SYT14: variants seen among roughly 807,000 people sequenced by gnomAD.
SYT14 encodes the protein synaptotagmin-14.
SYT14 carries 32 observed loss-of-function variants against 74.2 expected under a neutral mutation model. That is an observed-to-expected ratio of 0.43 (90% CI 0.33 to 0.58). The LOEUF (loss-of-function observed/expected upper bound fraction) is 0.58. Among genes scored for constraint, SYT14 ranks in the 20% least tolerant of loss-of-function variants. The pLI, the probability that SYT14 is intolerant of heterozygous loss-of-function variation, is 0.05. For synonymous variants in SYT14, 298 were observed against 337.7 expected, an observed-to-expected ratio of 0.88 and a Z score of 1.29; for missense variants, 791 against 981.8, an observed-to-expected ratio of 0.81 and a Z score of 2.60.
chr1:210,018,939 C>T (rs964765628), intron 4 of SYT14, among the ~76,000 whole-genome samples: 4 of 151,892 alleles, frequency 2.6e-5, no homozygotes, highest in African/African-American at 9.7e-5. Context: ...AGATCGAGAC[C>T]ATCCTGGCCA....
chr1:210,148,305 A>G (rs974792951), intron 7 of SYT14, among the ~76,000 whole-genome samples: 18 of 152,054 alleles, frequency 1.2e-4, no homozygotes, highest in African/African-American at 3.9e-4. Context: ...TCAGGAGATC[A>G]AGACCATCCT....
intron 2 of SYT14, among the ~76,000 whole-genome samples, chr1:209,955,425 T>A (rs1277765540): frequency 1.3e-5 from 2 of 152,194 alleles, no homozygotes; most frequent in African/African-American, 2.4e-5. Flanking sequence ...ATTATTATTG[T>A]CCACATTTAA....
intron 2 of SYT14, among the ~76,000 whole-genome samples, chr1:209,990,937 G>A (rs572471747): frequency 3.1e-4 from 47 of 152,040 alleles, no homozygotes; most frequent in South Asian, 1.9e-3. Context: ...AAAAATAGTC[G>A]CAGATTAGTA....
chr1:210,144,960 G>A (rs1246639128), intron 7 of SYT14, among the ~76,000 whole-genome samples: 1 of 152,112 alleles, frequency 6.6e-6, no homozygotes, highest in East Asian at 1.9e-4. Context: ...CAGTGACTCA[G>A]ATATCTCAGA....
At position 209,977,156 on chromosome 1, in the gene SYT14, G is replaced by A. The variant is rs192756396; in HGVS notation, c.-486+24400G>A. Reference sequence around the variant, plus strand: ...GCACACTGATTGGTCTTGACTGTTTGTCCAATTTGCCAGTCTGTGTCTTTT... The same window carrying A: ...GCACACTGATTGGTCTTGACTGTTTATCCAATTTGCCAGTCTGTGTCTTTT... On this transcript the variant is annotated intron_variant, in intron 2 of 9. Coordinates refer to ENST00000637265, the Ensembl canonical transcript of SYT14. Among the ~76,000 whole-genome samples the A allele has an allele frequency of 1.4e-4, 21 of 152,058 alleles. 1 individual carries two copies. Among genetic ancestry groups the A allele is most frequent in the Admixed American group, 3.9e-4 (6 of 15,276 alleles).
chr1:209,967,504 G>A (rs979052983), intron 2 of SYT14, among the ~76,000 whole-genome samples: 1 of 151,924 alleles, frequency 6.6e-6, no homozygotes, highest in Non-Finnish European at 1.5e-5. Context: ...AAATATATAG[G>A]CCTCTTCAGG....
rs551467664 is a variant in SYT14 at position 210,029,454 on chromosome 1, G to A, written c.1312+8200G>A. ...GAGTTAATTTTTATATACGATATTC[G>A]GCAAGGGTTCATTTTCATTCTTTTA... On this transcript the variant is annotated intron_variant, in intron 5 of 9. Transcript: ENST00000637265. Among the ~76,000 whole-genome samples, 13 of 152,028 alleles carry A rather than the reference G, an allele frequency of 8.6e-5. No homozygotes were observed. In the East Asian group the frequency reaches 1.5e-3, roughly 18 times the overall value.
chr1:209,942,110 A>G (rs559886714), intron 1 of SYT14, among the ~76,000 whole-genome samples: 34 of 152,246 alleles, frequency 2.2e-4, no homozygotes, highest in African/African-American at 7.2e-4. Context: ...TGGGGGGCCA[A>G]TTGTATTTTG....
Position 210,112,761 on chromosome 1 carries a change from C to A in SYT14, c.2034+12300C>A, listed in dbSNP as rs193047438. Among the ~76,000 whole-genome samples the A allele has an allele frequency of 9.3e-4, 141 of 151,322 alleles. 2 individuals are homozygous for A. The highest frequency in any genetic ancestry group is 1.8e-3 in the Non-Finnish European group (122 of 68,008). On this transcript the variant is annotated intron_variant, in intron 7 of 9. Coordinates refer to ENST00000637265, the Ensembl canonical transcript of SYT14. ...TTAAAGAGGCATTAATGATGGAGGA[C>A]CCTTGCGTAGTGAGGAAACTTCTTT... is the stretch of plus-strand genomic sequence containing the variant.
intron 5 of SYT14, among the ~76,000 whole-genome samples, chr1:210,077,740 C>T (rs1052611558): frequency 3.3e-5 from 5 of 151,976 alleles, no homozygotes; most frequent in African/African-American, 1.2e-4. Context: ...TCATACCTAC[C>T]GATACTTACT....
intron 5 of SYT14, among the ~76,000 whole-genome samples, chr1:210,089,014 T>C (rs1377143444): frequency 6.6e-6 from 1 of 152,170 alleles, no homozygotes; most frequent in Non-Finnish European, 1.5e-5. Context: ...TTTCTTCTAA[T>C]GCTATCCCTC....
chr1:210,163,390 C>A (rs1213371714), exon 10 of SYT14: 1 of 453,568 alleles, frequency 2.2e-6, no homozygotes, highest in African/African-American at 2.0e-5. Flanking sequence ...TCTGGAAAGA[C>A]CCTACCTCCA....
intron 2 of SYT14, among the ~76,000 whole-genome samples, chr1:209,962,570 A>G (rs2079093376): frequency 6.6e-6 from 1 of 152,020 alleles, no homozygotes; most frequent in Non-Finnish European, 1.5e-5. Context: ...TGAACTTCTT[A>G]ATGAGAGGTT....
chr1:210,133,644 CAGAA>C (rs764653549), intron 7 of SYT14, among the ~76,000 whole-genome samples: 10 of 152,094 alleles, frequency 6.6e-5, no homozygotes, highest in African/African-American at 1.2e-4. Flanking sequence ...AGTGAACTGA[CAGAA>C]AGATCAAAAC....
At chr1:209,953,164 A>G in intron 2 of SYT14, 7 of 1,289,240 alleles carry the variant, frequency 5.4e-6, no homozygotes, top group Non-Finnish European at 6.1e-6. Context: ...AACATATCCA[A>G]AGACCACAAC....
chr1:210,082,235 G>T (rs938899970), intron 5 of SYT14, among the ~76,000 whole-genome samples: 2 of 152,112 alleles, frequency 1.3e-5, no homozygotes, highest in Admixed American at 6.6e-5. Context: ...TCAAGCCATA[G>T]AGCCATTCTA....
intron 5 of SYT14, among the ~76,000 whole-genome samples, chr1:210,046,989 G>A (rs947760204): frequency 5.9e-5 from 9 of 151,916 alleles, no homozygotes; most frequent in Admixed American, 5.2e-4. Context: ...ACTAAGTGAT[G>A]GACCCAGAAA....
At chr1:210,041,075 G>A (rs1292951328) in intron 5 of SYT14, among the ~76,000 whole-genome samples, 1 of 152,094 alleles carries the variant, frequency 6.6e-6, no homozygotes, top group African/African-American at 2.4e-5. Flanking sequence ...AAGGAAATGT[G>A]GGCAGTCAGC....
chr1:210,121,657 G>A (rs1052882582), intron 7 of SYT14, among the ~76,000 whole-genome samples: 2 of 152,130 alleles, frequency 1.3e-5, no homozygotes, highest in Admixed American at 6.5e-5. Context: ...AGCCAGGCGT[G>A]GTGGCGGGCG....
Sources: allele counts gnomAD v4.1 joint callset (sites outside exome capture counted in the v4.1 genomes callset), GRCh38; gene constraint gnomAD v4.1.1; transcripts MANE v1.5; gene names NCBI Gene and HGNC (gene_info 2026-07-23, HGNC 2026-07-21).